BCHE: variants seen among roughly 807,000 people sequenced by gnomAD.
BCHE encodes cholinesterase.
Under a neutral mutation model 51.3 loss-of-function variants are expected in BCHE, and 48 were observed. The ratio of observed to expected loss-of-function variants is 0.94; its 90% CI spans 0.74 to 1.19. The LOEUF is 1.19. BCHE is among the 50% of genes most tolerant of loss of function. The pLI is 0.00. For synonymous variants in BCHE, 251 were observed against 238.0 expected, an observed-to-expected ratio of 1.05 and a Z score of -0.50; for missense variants, 847 against 708.2, an observed-to-expected ratio of 1.20 and a Z score of -2.23.
chr3:165,786,096 T>G, intron 3 of BCHE, 49 bp downstream of exon 3: 1 of 1,572,758 alleles, frequency 6.4e-7, no homozygotes, highest in Non-Finnish European at 8.7e-7. Context: ...ATCCCTTTTT[T>G]ACATAACCCA....
At chr3:165,806,282 C>T (rs949040309) in intron 2 of BCHE, among the ~76,000 whole-genome samples, 3 of 152,170 alleles carry the variant, frequency 2.0e-5, no homozygotes, top group African/African-American at 7.2e-5. Context: ...TCTATCACCT[C>T]TCGGTCTTTG....
chr3:165,834,911 T>C (rs188632762), intron 1 of BCHE, among the ~76,000 whole-genome samples: 140 of 152,042 alleles, frequency 9.2e-4, no homozygotes, highest in African/African-American at 3.0e-3. Flanking sequence ...TGAGAGAACA[T>C]AGTAGCATAA....
chr3:165,799,194 AT>A (rs1414541710), intron 2 of BCHE, among the ~76,000 whole-genome samples: 1 of 152,086 alleles, frequency 6.6e-6, no homozygotes, highest in African/African-American at 2.4e-5. Context: ...TTTTGTCTCT[AT>A]TTAGCGTTGT....
chr3:165,778,534 C>G (rs970782260), intron 3 of BCHE: 1 of 290,294 alleles, frequency 3.4e-6, no homozygotes, highest in Non-Finnish European at 7.6e-6. Flanking sequence ...GCACAAGACA[C>G]TTCATCTCTG....
intron 2 of BCHE, among the ~76,000 whole-genome samples, chr3:165,821,110 G>T (rs191589570): frequency 1.4e-4 from 22 of 151,900 alleles, no homozygotes; most frequent in Admixed American, 1.1e-3. Context: ...CTCACACCTT[G>T]TCATTGTGAT....
chr3:165,827,985 C>A (rs1202337409), intron 2 of BCHE: 8 of 453,098 alleles, frequency 1.8e-5, no homozygotes, highest in African/African-American at 1.2e-4. Flanking sequence ...ATGATACATA[C>A]CCATCATAGT....
intron 2 of BCHE, among the ~76,000 whole-genome samples, chr3:165,803,304 G>A (rs982349608): frequency 1.3e-5 from 2 of 152,110 alleles, no homozygotes; most frequent in African/African-American, 4.8e-5. Flanking sequence ...AGATGAGCAG[G>A]ATCAATCCGT....
At chr3:165,815,239 T>C (rs1442732599) in intron 2 of BCHE, among the ~76,000 whole-genome samples, 2 of 74,208 alleles carry the variant, frequency 2.7e-5, no homozygotes, top group Non-Finnish European at 3.1e-5. Context: ...ATTAACACTT[T>C]GATTTTAGAA....
intron 3 of BCHE, among the ~76,000 whole-genome samples, chr3:165,775,778 G>T (rs1464866540): frequency 6.6e-6 from 1 of 151,856 alleles, no homozygotes; most frequent in East Asian, 1.9e-4. Flanking sequence ...GAAATAGGGG[G>T]CATTGATTGA....
intron 2 of BCHE, among the ~76,000 whole-genome samples, chr3:165,829,129 T>C (rs765155118): frequency 6.6e-6 from 1 of 152,074 alleles, no homozygotes; most frequent in Non-Finnish European, 1.5e-5. Context: ...GCTGAAGAGC[T>C]TGGGAAGAAA....
At chr3:165,825,772 A>C (rs1714698807) in intron 2 of BCHE, among the ~76,000 whole-genome samples, 1 of 152,002 alleles carries the variant, frequency 6.6e-6, no homozygotes, top group African/African-American at 2.4e-5. Flanking sequence ...CTCATTGTTC[A>C]ATTTCCACCT....
At chr3:165,833,233 A>T (rs1715055673) in intron 1 of BCHE, among the ~76,000 whole-genome samples, 1 of 152,144 alleles carries the variant, frequency 6.6e-6, no homozygotes, top group African/African-American at 2.4e-5. Flanking sequence ...GTACTATTAT[A>T]TATAATTTAG....
chr3:165,827,934 T>C lies in BCHE; in HGVS notation c.1517+1583A>G, dbSNP rs904573930. ...AATATTTTTTACTCATACTATCTTT[T>C]ACCAGCTCTCATTCAATCATTAGCC... On this transcript the variant is annotated intron_variant, in intron 2 of 3. Coordinates refer to ENST00000264381, the MANE Select transcript of BCHE (RefSeq NM_000055.4). The C allele has an allele frequency of 1.2e-5, 5 of 414,162 alleles. No homozygotes were observed. In the Admixed American group the frequency reaches 1.4e-4, roughly 12 times the overall value. The allele number at this position is 414,162 out of a possible 1,614,324, so 25.7% of individuals were successfully genotyped here.
Position 165,832,333 on chromosome 3 carries a change from G to A in BCHE, c.-8-1292C>T, listed in dbSNP as rs994388026. 4.6e-5 allele frequency among the ~76,000 whole-genome samples: 7 copies of A among 152,004 alleles called. No individual in the cohort carries two copies. The South Asian group carries it at 6.2e-4, about 14-fold the overall frequency. On this transcript the variant is annotated intron_variant, in intron 1 of 3. Transcript: ENST00000264381. ...TTTTGAGATGGAGTCTCACTCTGTC[G>A]CCAAGCTAGAGTGCAGTGGTGTGAT...
chr3:165,811,260 T>G (rs1403200476), intron 2 of BCHE, among the ~76,000 whole-genome samples: 1 of 152,008 alleles, frequency 6.6e-6, no homozygotes. Flanking sequence ...GACAGAAAGG[T>G]TAAATTTAGA....
At chr3:165,812,925 T>G (rs1159112104) in intron 2 of BCHE, among the ~76,000 whole-genome samples, 1 of 151,984 alleles carries the variant, frequency 6.6e-6, no homozygotes, top group Non-Finnish European at 1.5e-5. Context: ...TTTCTATACC[T>G]CTTTCTCTGT....
At chr3:165,823,303 T>C (rs1258023320) in intron 2 of BCHE, among the ~76,000 whole-genome samples, 1 of 152,118 alleles carries the variant, frequency 6.6e-6, no homozygotes, top group Admixed American at 6.6e-5. Flanking sequence ...GAGTTTTATA[T>C]AACTGAATGA....
intron 2 of BCHE, among the ~76,000 whole-genome samples, chr3:165,826,607 T>A (rs1276986018): frequency 6.6e-6 from 1 of 152,134 alleles, no homozygotes; most frequent in East Asian, 1.9e-4. Context: ...ATGTTTATTG[T>A]GTATATTTTT....
chr3:165,800,992 A>G (rs1713619295), intron 2 of BCHE, among the ~76,000 whole-genome samples: 2 of 152,326 alleles, frequency 1.3e-5, no homozygotes, highest in East Asian at 1.9e-4. Context: ...GGAACTGGCT[A>G]TTGAGTCATA....
Sources: gnomAD v4.1 joint callset for allele counts (sites outside exome capture counted in the v4.1 genomes callset) on GRCh38, gnomAD v4.1.1 for gene constraint, MANE v1.5 for transcripts, NCBI Gene and HGNC (gene_info 2026-07-23, HGNC 2026-07-21) for gene names.